FBXO32: variants seen among roughly 807,000 people sequenced by gnomAD.
The protein encoded by FBXO32 is F-box protein 32.
In FBXO32, 15 loss-of-function variants were observed where a neutral mutation model predicts 48.3. The observed-to-expected ratio is 0.31, with a 90% CI of 0.21 to 0.48. The LOEUF is 0.48. Ranked by LOEUF, FBXO32 falls within the 20% of genes least tolerant of loss-of-function variation. The pLI is 0.99. For missense variants in FBXO32, 309 were observed against 432.7 expected (o/e 0.71, Z 2.54); for synonymous variants, 154 against 165.9 (o/e 0.93, Z 0.55).
intron 1 of FBXO32, among the ~76,000 whole-genome samples, chr8:123,538,292 A>C (rs969944561): frequency 6.6e-6 from 1 of 152,098 alleles, no homozygotes; most frequent in African/African-American, 2.4e-5. Flanking sequence ...CAATAACCCC[A>C]GGCTGAAAAC....
At chr8:123,520,855 C>T (rs909655318) in intron 4 of FBXO32, among the ~76,000 whole-genome samples, 1 of 152,168 alleles carries the variant, frequency 6.6e-6, no homozygotes, top group African/African-American at 2.4e-5. Context: ...TGGTTTCTAC[C>T]CCTTTTCCAG....
rs1374039350 is a variant in FBXO32, at chr8:123,503,362, T to A, written c.*11A>T. 1 of 1,611,806 alleles carries A rather than the reference T, an allele frequency of 6.2e-7. No homozygotes were observed. Among genetic ancestry groups the A allele is most frequent in the Admixed American group, 1.7e-5 (1 of 60,002 alleles). On this transcript the variant is annotated 3_prime_UTR_variant, in exon 9 of 9. Transcript: ENST00000517956. ...GGGGGACCCTTCTGAAGTGTTGTCATGTGCTGGGATTCAGAACTTGAACAA... is the reference window on the plus strand; with the variant it reads ...GGGGGACCCTTCTGAAGTGTTGTCAAGTGCTGGGATTCAGAACTTGAACAA...
chr8:123,503,347 T>C lies in FBXO32; in HGVS notation c.*26A>G. Reference sequence around the variant, plus strand: ...GCTCTCCAGTCAGCAGGGGGACCCTTCTGAAGTGTTGTCATGTGCTGGGAT... The same window carrying C: ...GCTCTCCAGTCAGCAGGGGGACCCTCCTGAAGTGTTGTCATGTGCTGGGAT... On this transcript the variant is annotated 3_prime_UTR_variant, in exon 9 of 9. Transcript: ENST00000517956. 1 of 1,586,722 alleles carries C rather than the reference T, an allele frequency of 6.3e-7. No individual in the cohort carries two copies. The highest frequency in any genetic ancestry group is 8.7e-7 in the Non-Finnish European group (1 of 1,155,056).
intron 4 of FBXO32, among the ~76,000 whole-genome samples, chr8:123,530,668 T>C (rs890719575): frequency 6.6e-6 from 1 of 152,168 alleles, no homozygotes; most frequent in Non-Finnish European, 1.5e-5. Flanking sequence ...CAGGCTGGAG[T>C]GCAATGGCGC....
intron 5 of FBXO32, 137 bp downstream of exon 5, chr8:123,514,103 T>C: frequency 1.6e-6 from 1 of 640,232 alleles, no homozygotes; most frequent in African/African-American, 1.9e-5. Context: ...ATTTAGTGTC[T>C]CTAAAATGTA....
At chr8:123,514,399 T>G in intron 4 of FBXO32, 66 bp from the exon 5 acceptor site, 1 of 1,293,192 alleles carries the variant, frequency 7.7e-7, no homozygotes, top group Non-Finnish European at 1.1e-6. Flanking sequence ...TAATCTTCAC[T>G]TTTGAGTCCC....
Position 123,541,039 on chromosome 8 carries a change from TG to T in FBXO32, c.-26del. 1.3e-6 allele frequency: 2 copies of T among 1,522,386 alleles called. No homozygotes were observed. The highest frequency in any genetic ancestry group is 1.8e-6 in the Non-Finnish European group (2 of 1,115,352). The allele number at this position is 1,522,386 out of a possible 1,614,324, so 94.3% of individuals were successfully genotyped here. The stretch of plus-strand genomic sequence containing the variant: ...TGGCACCGCGAGCGGACTAGACGGA[TG>T]GGGAGACGGGGCCGGCCTGGTGGGC... On this transcript the variant is annotated 5_prime_UTR_variant, in exon 1 of 9. Coordinates refer to ENST00000517956, the MANE Select transcript of FBXO32 (RefSeq NM_058229.4).
At chr8:123,529,586 T>C (rs1817157676) in intron 4 of FBXO32, among the ~76,000 whole-genome samples, 1 of 152,236 alleles carries the variant, frequency 6.6e-6, no homozygotes, top group African/African-American at 2.4e-5. Flanking sequence ...CAGGCTATTT[T>C]ACTTCAGCTC....
rs552570952 is a variant in FBXO32, at chr8:123,506,041, T to C, written c.834+351A>G. On this transcript the variant is annotated intron_variant, in intron 7 of 8. Transcript: ENST00000517956. This position sits in a 1 kb window ranked among gnomAD's most constrained non-coding sequence, Gnocchi z 4.0. ...GAGTTTGAGGTCAGCCTGGGCAACATAGAGAGACCCTATTTCTACAAAAAC... is the reference window on the plus strand; with the variant it reads ...GAGTTTGAGGTCAGCCTGGGCAACACAGAGAGACCCTATTTCTACAAAAAC... Among the ~76,000 whole-genome samples, 19 of 151,838 alleles carry C rather than the reference T, an allele frequency of 1.3e-4. No homozygotes were observed. In the South Asian group the frequency reaches 2.9e-3, roughly 23 times the overall value.
chr8:123,512,052 A>T (rs1816745519), intron 6 of FBXO32, among the ~76,000 whole-genome samples: 1 of 152,190 alleles, frequency 6.6e-6, no homozygotes, highest in Non-Finnish European at 1.5e-5. Context: ...TTATTAGAAT[A>T]AATCAGGTAA....
intron 6 of FBXO32, among the ~76,000 whole-genome samples, chr8:123,512,922 G>C (rs1008789276): frequency 2.0e-5 from 3 of 152,160 alleles, no homozygotes; most frequent in African/African-American, 7.2e-5. Context: ...TCAGCAGGAT[G>C]GCCAGCATCT....
At position 123,504,710 on chromosome 8, in the gene FBXO32, A is replaced by C; in HGVS notation, c.872T>G (p.Leu291Arg). 6.2e-7 allele frequency: 1 copy of C among 1,614,130 alleles called. No homozygotes were observed. Among genetic ancestry groups the C allele is most frequent in the Admixed American group, 1.7e-5 (1 of 60,004 alleles). ...KRLILSDKGQ[L>R]DWKKMYFKLV... The stretch of plus-strand genomic sequence containing the variant: ...TTTGAAATACATCTTCTTCCAATCC[A>C]GCTGCCCTTTGTCTGACAGAATTAA... The change falls in exon 8 of 9, where the codon CTG becomes CGG. Residue 291 changes from leucine to arginine, a missense_variant. Leu to Arg is a moderately radical substitution (Grantham distance 102, BLOSUM62 -2). Transcript: ENST00000517956.
chr8:123,500,266 C>T lies in FBXO32; in HGVS notation c.*3107G>A, dbSNP rs192773770. ...ACTGCCCATAAACCTTTGAGTTGGA[C>T]CAAATCTTAACATCCCTGTGGATTT... On this transcript the variant is annotated 3_prime_UTR_variant, in exon 9 of 9. Transcript: ENST00000517956. 9.9e-5 allele frequency: 15 copies of T among 152,218 alleles called. No homozygotes were observed. The highest frequency in any genetic ancestry group is 1.8e-4 in the Non-Finnish European group (12 of 68,012). The allele number at this position is 152,218 out of a possible 1,614,324, so 9.4% of individuals were successfully genotyped here. A position where few individuals can be genotyped will look rare whatever the true frequency, so the allele number is the denominator to read the frequency against.
intron 4 of FBXO32, among the ~76,000 whole-genome samples, chr8:123,515,163 G>A (rs1816814491): frequency 6.6e-6 from 1 of 152,204 alleles, no homozygotes; most frequent in South Asian, 2.1e-4. Flanking sequence ...AGGTTGTTGT[G>A]AGTGATAATA....
chr8:123,503,358 G>A lies in FBXO32; in HGVS notation c.*15C>T. 1 of 1,610,710 alleles carries A rather than the reference G, an allele frequency of 6.2e-7. No individual in the cohort carries two copies. On this transcript the variant is annotated 3_prime_UTR_variant, in exon 9 of 9. Transcript: ENST00000517956. Reference sequence around the variant, plus strand: ...AGCAGGGGGACCCTTCTGAAGTGTTGTCATGTGCTGGGATTCAGAACTTGA... The same window carrying A: ...AGCAGGGGGACCCTTCTGAAGTGTTATCATGTGCTGGGATTCAGAACTTGA...
intron 6 of FBXO32, among the ~76,000 whole-genome samples, chr8:123,511,480 G>GTTTT: frequency 7.1e-6 from 1 of 139,990 alleles, no homozygotes. Context: ...GAGGTTTTTT[G>GTTTT]TTTTTTTTTT....
At chr8:123,517,477 CTTTTT>C (rs34410652) in intron 4 of FBXO32, among the ~76,000 whole-genome samples, 1 of 146,556 alleles carries the variant, frequency 6.8e-6, no homozygotes, top group Non-Finnish European at 1.5e-5. Context: ...TCCCCCCTAC[CTTTTT>C]TTTTTTTTTT....
At position 123,541,122 on chromosome 8, in the gene FBXO32, G is replaced by A. The variant is rs960424747; in HGVS notation, c.-108C>T. On this transcript the variant is annotated 5_prime_UTR_variant, in exon 1 of 9. Coordinates refer to ENST00000517956, the MANE Select transcript of FBXO32 (RefSeq NM_058229.4). ...GGGTGCAGGGGCCCGCGACGGGGGC[G>A]GCGGGGCGGCGGGAACGGCGCGGGG... 144 of 555,110 alleles carry A rather than the reference G, an allele frequency of 2.6e-4. No homozygotes were observed. Among genetic ancestry groups the A allele is most frequent in the Non-Finnish European group, 3.6e-4 (129 of 358,508 alleles). The allele number at this position is 555,110 out of a possible 1,614,324, so 34.4% of individuals were successfully genotyped here.
chr8:123,521,980 T>G (rs976000080), intron 4 of FBXO32, among the ~76,000 whole-genome samples: 6 of 152,198 alleles, frequency 3.9e-5, no homozygotes, highest in African/African-American at 1.4e-4. Flanking sequence ...CTGGAAAGTT[T>G]TGTTCTGACT....
Sources: allele counts gnomAD v4.1 joint callset (sites outside exome capture counted in the v4.1 genomes callset), GRCh38; gene constraint gnomAD v4.1.1; non-coding constraint Gnocchi (gnomAD v3.1); transcripts MANE v1.5; gene names NCBI Gene and HGNC (gene_info 2026-07-23, HGNC 2026-07-21).